Variants in ORC3 observed in about 807,000 individuals in gnomAD.
ORC3 encodes the protein origin recognition complex subunit 3.
In ORC3, 78 loss-of-function variants were observed where a neutral mutation model predicts 100.7. The observed-to-expected ratio is 0.77, with a 90% CI of 0.65 to 0.94. The LOEUF (loss-of-function observed/expected upper bound fraction) is 0.94, where lower values mean the gene tolerates loss of function less well. ORC3 is among the 40% of genes least tolerant of loss of function. The pLI is 0.00. For missense variants in ORC3, 789 were observed against 823.9 expected, an observed-to-expected ratio of 0.96 and a Z score of 0.52; for synonymous variants, 295 against 289.3, an observed-to-expected ratio of 1.02 and a Z score of -0.20.
At chr6:87,650,145 C>A (rs1457501267) in intron 13 of ORC3, among the ~76,000 whole-genome samples, 1 of 151,132 alleles carries the variant, frequency 6.6e-6, no homozygotes, top group Non-Finnish European at 1.5e-5. Context: ...CAGCCTTGAC[C>A]TCCCAGGCTC....
At chr6:87,668,048 T>A (rs956384508), downstream of ORC3, among the ~76,000 whole-genome samples, 1 of 152,186 alleles carries the variant, frequency 6.6e-6, no homozygotes. Flanking sequence ...ACAACTCAGA[T>A]GAGCAAAGTA....
At chr6:87,635,683 G>C (rs1168485049) in intron 12 of ORC3, among the ~76,000 whole-genome samples, 1 of 151,978 alleles carries the variant, frequency 6.6e-6, no homozygotes, top group African/African-American at 2.4e-5. Flanking sequence ...TGTAGTCCCA[G>C]CTATGAGGGA....
intron 13 of ORC3, among the ~76,000 whole-genome samples, chr6:87,649,692 G>A (rs2128287755): frequency 6.6e-6 from 1 of 152,292 alleles, no homozygotes; most frequent in Non-Finnish European, 1.5e-5. Flanking sequence ...GTTGCGGTGA[G>A]CTGAGATTGC....
intron 13 of ORC3, chr6:87,651,331 C>G (rs1422509534): frequency 4.4e-6 from 2 of 455,888 alleles, no homozygotes; most frequent in African/African-American, 4.0e-5. Flanking sequence ...CCAAGCAAGT[C>G]AGTGCCGGTG....
chr6:87,650,547 A>G (rs1769178988), intron 13 of ORC3, among the ~76,000 whole-genome samples: 1 of 152,158 alleles, frequency 6.6e-6, no homozygotes, highest in Non-Finnish European at 1.5e-5. Context: ...TGTGTGTATA[A>G]TTTTACTGGA....
intron 13 of ORC3, among the ~76,000 whole-genome samples, chr6:87,648,279 A>C (rs191354899): frequency 6.6e-6 from 1 of 152,228 alleles, no homozygotes; most frequent in African/African-American, 2.4e-5. Flanking sequence ...AAGTGAAAAA[A>C]TAAGTATTTT....
At chr6:87,630,634 A>T (rs1767334892) in intron 11 of ORC3, among the ~76,000 whole-genome samples, 1 of 152,234 alleles carries the variant, frequency 6.6e-6, no homozygotes, top group African/African-American at 2.4e-5. Flanking sequence ...GTGCTGAGAT[A>T]AAAACAATGA....
intron 8 of ORC3, among the ~76,000 whole-genome samples, chr6:87,616,016 G>GA (rs11454207): frequency 0.073 from 10,574 of 145,286 alleles, 392 homozygotes; most frequent in East Asian, 0.096. Flanking sequence ...TTCTGGTGAG[G>GA]AAAAAAAAAA....
intron 13 of ORC3, among the ~76,000 whole-genome samples, chr6:87,639,001 T>C (rs1200906672): frequency 1.3e-5 from 2 of 151,994 alleles, no homozygotes; most frequent in Non-Finnish European, 2.9e-5. Context: ...GTGTACCTTG[T>C]TTCATGCAGA....
intron 9 of ORC3, among the ~76,000 whole-genome samples, chr6:87,617,706 C>T (rs1477965487): frequency 6.6e-6 from 1 of 152,094 alleles, no homozygotes; most frequent in Non-Finnish European, 1.5e-5. Flanking sequence ...TGCACTCTAG[C>T]CTGGGTGACA....
intron 2 of ORC3, among the ~76,000 whole-genome samples, chr6:87,596,258 C>T (rs1483988082): frequency 2.0e-5 from 3 of 151,800 alleles, no homozygotes; most frequent in South Asian, 2.1e-4. Context: ...CTCAGTCTCC[C>T]GAGTAGCTGG....
chr6:87,634,954 G>C lies in ORC3; in HGVS notation c.1295G>C (p.Gly432Ala). ...FTSSLPKYPL[G>A]RQIRELYCTC... ...TCTTCTCTTCCCAAGTATCCACTAG[G>C]TCGACAGGTAATCCAAGCCTCCTCA... Residue 432 changes from glycine to alanine, a missense_variant, in exon 12 of 20, where the codon GGT (glycine) becomes GCT (alanine). Physicochemically the swap from Gly to Ala is moderately conservative, Grantham distance 60. This residue lies in a region of ORC3 where 366 missense variants were observed against 394.2 expected (regional missense o/e 0.93). Transcript: ENST00000392844. The C allele has an allele frequency of 2.0e-6, 3 of 1,480,932 alleles. No individual in the cohort carries two copies. Among genetic ancestry groups the C allele is most frequent in the Middle Eastern group, 1.7e-4 (1 of 5,840 alleles). 91.7% of individuals were successfully genotyped at this position (1,480,932 alleles called of 1,614,324 possible).
At chr6:87,645,028 T>G (rs6908386) in intron 13 of ORC3, among the ~76,000 whole-genome samples, 1 of 151,896 alleles carries the variant, frequency 6.6e-6, no homozygotes, top group Admixed American at 6.6e-5. Flanking sequence ...AGAACTGTTC[T>G]CTTTAGAAAA....
At chr6:87,650,364 C>A in intron 13 of ORC3, among the ~76,000 whole-genome samples, 1 of 152,110 alleles carries the variant, frequency 6.6e-6, no homozygotes, top group Non-Finnish European at 1.5e-5. Context: ...CTTTTACACT[C>A]TCTTTTATTT....
At chr6:87,629,796 C>T (rs530897518) in intron 11 of ORC3, among the ~76,000 whole-genome samples, 1 of 152,040 alleles carries the variant, frequency 6.6e-6, no homozygotes, top group South Asian at 2.1e-4. Context: ...TAAGTGAGAA[C>T]GTGCGGTATT....
intron 13 of ORC3, among the ~76,000 whole-genome samples, chr6:87,638,272 A>G (rs1002153809): frequency 9.2e-5 from 14 of 152,142 alleles, no homozygotes; most frequent in Admixed American, 6.5e-4. Flanking sequence ...GAATTGGGGA[A>G]CCTCTGGGCT....
chr6:87,612,690 C>T (rs1263056379), intron 8 of ORC3, among the ~76,000 whole-genome samples: 1 of 152,194 alleles, frequency 6.6e-6, no homozygotes, highest in East Asian at 1.9e-4. Flanking sequence ...TGGCTCACTG[C>T]AACCTCTGCC....
intron 3 of ORC3, among the ~76,000 whole-genome samples, chr6:87,602,914 A>ATATATAT (rs56203841): frequency 0.16 from 10,997 of 70,124 alleles, 600 homozygotes; most frequent in East Asian, 0.2. Flanking sequence ...ATTATATATT[A>ATATATAT]TATATATATA....
intron 2 of ORC3, among the ~76,000 whole-genome samples, chr6:87,598,497 G>C (rs1346247138): frequency 6.6e-6 from 1 of 152,146 alleles, no homozygotes; most frequent in East Asian, 1.9e-4. Flanking sequence ...TTTAACCATA[G>C]CTTAATACTG....
Sources: gnomAD v4.1 joint callset for allele counts (sites outside exome capture counted in the v4.1 genomes callset) on GRCh38, gnomAD v4.1.1 for gene constraint, gnomAD v4.1.1 regional missense constraint, MANE v1.5 for transcripts, NCBI Gene and HGNC (gene_info 2026-07-23, HGNC 2026-07-21) for gene names.